HAUS6: variants seen among roughly 807,000 people sequenced by gnomAD.
HAUS6 encodes HAUS augmin like complex subunit 6.
A neutral mutation model predicts 106.8 loss-of-function variants in HAUS6; 80 were observed. The ratio of observed to expected loss-of-function variants is 0.75; its 90% CI spans 0.63 to 0.90. The LOEUF (loss-of-function observed/expected upper bound fraction) is 0.90, where lower values mean the gene tolerates loss of function less well. Among genes scored for constraint, HAUS6 ranks in the 40% least tolerant of loss-of-function variants. The probability of loss-of-function intolerance (pLI) is 0.00; values close to 1 mark genes in which losing one functional copy is unlikely to be tolerated. For missense variants in HAUS6, 1,155 were observed against 1,118.1 expected (o/e 1.03, Z -0.47); for synonymous variants, 356 against 379.1 (o/e 0.94, Z 0.71).
At chr9:19,096,412 A>C (rs1048606272) in intron 2 of HAUS6, among the ~76,000 whole-genome samples, 2 of 152,002 alleles carry the variant, frequency 1.3e-5, no homozygotes, top group African/African-American at 4.8e-5. Context: ...TAAAAATGCA[A>C]AACTTAGCTA....
chr9:19,083,041 A>G lies in HAUS6; in HGVS notation c.702T>C (p.Val234=), dbSNP rs759040195. The part of the protein sequence containing the change: ...HSNMEEKIQK[V]RSLWASVNET... ...CATTCACTGAAGCCCACAAAGACCG[A>G]ACCTTTGGAAACAGAAACAAAATAT... The change falls in exon 8 of 17, where the codon GTT becomes GTC. Residue 234 remains valine, a splice_region_variant and synonymous_variant. Coordinates refer to ENST00000380502, the MANE Select transcript of HAUS6 (RefSeq NM_017645.5). 4 of 1,571,094 alleles carry G rather than the reference A, an allele frequency of 2.5e-6. No individual in the cohort carries two copies. The highest frequency in any genetic ancestry group is 3.4e-6 in the Non-Finnish European group (4 of 1,162,590).
intron 16 of HAUS6, 189 bp from the exon 17 acceptor site, chr9:19,056,593 A>G: frequency 1.9e-6 from 1 of 514,804 alleles, no homozygotes; most frequent in African/African-American, 2.0e-5. Flanking sequence ...TTCCTCCCAG[A>G]GTACTTTTTT....
intron 11 of HAUS6, among the ~76,000 whole-genome samples, chr9:19,074,939 A>T (rs1467400964): frequency 6.6e-6 from 1 of 152,196 alleles, no homozygotes; most frequent in East Asian, 1.9e-4. Context: ...CCTGTACAGA[A>T]TGTTTATAGA....
In HAUS6 at chr9:19,053,343, T is replaced by C. The variant is rs1836397608; in HGVS notation, c.*3000A>G. On this transcript the variant is annotated 3_prime_UTR_variant, in exon 17 of 17. Coordinates refer to ENST00000380502, the MANE Select transcript of HAUS6 (RefSeq NM_017645.5). ...GCTTTTACATTGAGGAAAACGTCAT[T>C]AAACGTATTTTAATTTTAGTACTCT... The C allele has an allele frequency of 6.6e-6, 1 of 152,188 alleles. No individual in the cohort carries two copies. The highest frequency in any genetic ancestry group is 2.1e-4 in the South Asian group (1 of 4,832). 9.4% of individuals were successfully genotyped at this position (152,188 alleles called of 1,614,324 possible).
At chr9:19,095,996 G>C (rs1006759922) in intron 2 of HAUS6, among the ~76,000 whole-genome samples, 1 of 152,150 alleles carries the variant, frequency 6.6e-6, no homozygotes, top group African/African-American at 2.4e-5. Context: ...GTAAGGCACA[G>C]AGTACCGAGC....
intron 12 of HAUS6, chr9:19,063,856 T>G (rs756231356): frequency 3.0e-4 from 183 of 601,826 alleles, no homozygotes; most frequent in Non-Finnish European, 4.8e-4. Flanking sequence ...AGTGACTTAA[T>G]GAATACTCCA....
At position 19,078,237 on chromosome 9, in the gene HAUS6, T is replaced by C. The variant is rs757066840; in HGVS notation, c.1130A>G (p.His377Arg). The change falls in exon 10 of 17, where the codon CAT (histidine) becomes CGT (arginine). Residue 377 changes from histidine (H) to arginine (R), a missense_variant. Around this residue, in one of 3 missense-constraint regions of HAUS6, gnomAD observed 761 missense variants for 690.0 expected, o/e 1.10. Transcript: ENST00000380502. ...ACCAAGAAATTCTTTCCACTTTTTA[T>C]GCCATTCTCCTTGCTTTTCAACAAC... ...HSVVEKQGEW[H>R]KKWKEFLGLS... The C allele has an allele frequency of 3.8e-6, 6 of 1,570,528 alleles. No homozygotes were observed. In the African/African-American group the frequency reaches 5.4e-5, roughly 14 times the overall value.
In HAUS6 at chr9:19,086,729, C is replaced by G; in HGVS notation, c.699+5G>C. On this transcript the variant is annotated splice_donor_5th_base_variant and intron_variant, in intron 7 of 16. Coordinates refer to ENST00000380502, the MANE Select transcript of HAUS6 (RefSeq NM_017645.5). ...TTAAATTTCTCCTTTTATAAGTTGT[C>G]TCACCTTTTGAATTTTTTCTTCCAT... 1 of 1,225,902 alleles carries G rather than the reference C, an allele frequency of 8.2e-7. No homozygotes were observed. Among genetic ancestry groups the G allele is most frequent in the East Asian group, 2.4e-5 (1 of 42,440 alleles). 75.9% of individuals were successfully genotyped at this position (1,225,902 alleles called of 1,614,324 possible).
At chr9:19,087,066 A>T in intron 6 of HAUS6, 25 bp downstream of exon 6, 1 of 1,161,614 alleles carries the variant, frequency 8.6e-7, no homozygotes, top group Non-Finnish European at 1.3e-6. Context: ...ATCTAAGGCA[A>T]CTTCTAGCTC....
rs1349574229 is a variant in HAUS6 at position 19,076,688 on chromosome 9, G to A, written c.1208C>T (p.Pro403Leu). 18 of 1,529,556 alleles carry A rather than the reference G, an allele frequency of 1.2e-5. No homozygotes were observed. The Admixed American group carries it at 2.5e-4, about 22-fold the overall frequency. The allele number at this position is 1,529,556 out of a possible 1,614,324, so 94.7% of individuals were successfully genotyped here. A position where few individuals can be genotyped will look rare whatever the true frequency, so the allele number is the denominator to read the frequency against. The part of the protein sequence containing the change: ...KGWTPSVDLL[P>L]PMSPLSFDPA... ...ATCAAACGAAAGGGGAGACATTGGT[G>A]GTAAAAGATCTACAGACTTAAAACA... is the stretch of plus-strand genomic sequence containing the variant. The change falls in exon 11 of 17, where the codon CCA (proline) becomes CTA (leucine). Residue 403 changes from proline to leucine, a missense_variant. Coordinates refer to ENST00000380502, the MANE Select transcript of HAUS6 (RefSeq NM_017645.5).
At chr9:19,093,335 A>C (rs1334005657) in intron 3 of HAUS6, 32 bp from the exon 4 acceptor site, 2 of 1,557,850 alleles carry the variant, frequency 1.3e-6, no homozygotes, top group South Asian at 1.2e-5. Context: ...TGATTTGAAG[A>C]CCTTGTTAAC....
chr9:19,079,378 C>T (rs1237999713), intron 9 of HAUS6, among the ~76,000 whole-genome samples: 23 of 151,176 alleles, frequency 1.5e-4, no homozygotes, highest in African/African-American at 5.3e-4. Context: ...ATTACAGGCG[C>T]ACGCCACCAC....
rs771642835 is a variant in HAUS6, at chr9:19,063,053, T to G, written c.1584A>C (p.Lys528Asn). ...SSAFGGSLPA[K>N]KSDPFQKEQD... Reference sequence around the variant, plus strand: ...GCTCTTTTTGAAATGGATCACTTTTTTTAGCTGGCAAAGACCCTCCAAATG... The same window carrying G: ...GCTCTTTTTGAAATGGATCACTTTTGTTAGCTGGCAAAGACCCTCCAAATG... The change falls in exon 14 of 17, where the codon AAA becomes AAC. Residue 528 changes from lysine to asparagine, a missense_variant. Coordinates refer to ENST00000380502, the MANE Select transcript of HAUS6 (RefSeq NM_017645.5). 3.7e-6 allele frequency: 6 copies of G among 1,611,872 alleles called. No homozygotes were observed. Among genetic ancestry groups the G allele is most frequent in the Non-Finnish European group, 5.1e-6 (6 of 1,179,624 alleles).
chr9:19,085,141 T>C (rs1372826404), intron 7 of HAUS6, among the ~76,000 whole-genome samples: 13 of 152,126 alleles, frequency 8.5e-5, no homozygotes, highest in Admixed American at 7.9e-4. Context: ...GAAGACTCAT[T>C]GGCTAGCAGT....
intron 9 of HAUS6, among the ~76,000 whole-genome samples, chr9:19,080,174 CAA>C (rs746423003): frequency 1.1e-4 from 4 of 37,568 alleles, no homozygotes; most frequent in African/African-American, 2.7e-4. Flanking sequence ...AACTCCGTCT[CAA>C]AAAAAAAAAA....
chr9:19,082,720 C>T (rs1837185409), intron 8 of HAUS6, among the ~76,000 whole-genome samples, 153 bp downstream of exon 8: 1 of 151,546 alleles, frequency 6.6e-6, no homozygotes, highest in Non-Finnish European at 1.5e-5. Context: ...CATTGCACTC[C>T]AGCCTGGGCA....
chr9:19,096,932 G>A (rs1227008579), intron 1 of HAUS6, among the ~76,000 whole-genome samples, 163 bp from the exon 2 acceptor site: 20 of 152,078 alleles, frequency 1.3e-4, no homozygotes, highest in Non-Finnish European at 1.5e-5. Context: ...TAACCAGTAA[G>A]AAAAACATAC....
chr9:19,060,019 T>A, intron 15 of HAUS6, 69 bp downstream of exon 15: 1 of 1,253,554 alleles, frequency 8.0e-7, no homozygotes, highest in South Asian at 1.4e-5. Flanking sequence ...AAAAGATCTG[T>A]CAGGCCATGG....
In HAUS6 at chr9:19,089,454, T is replaced by G. The variant is rs780571115; in HGVS notation, c.542A>C (p.Gln181Pro). The G allele has an allele frequency of 6.2e-7, 1 of 1,612,108 alleles. No homozygotes were observed. The highest frequency in any genetic ancestry group is 8.5e-7 in the Non-Finnish European group (1 of 1,178,282). Reference protein sequence around the residue: ...FARSRFLQILQRQDCVTQKYQ... With the variant: ...FARSRFLQILPRQDCVTQKYQ... ...TTTTTGGGTAACACAATCTTGTCTT[T>G]GCAAAATTTGTAAAAATCTGCTACG... The change falls in exon 5 of 17, where the codon CAA becomes CCA. Residue 181 changes from glutamine to proline, a missense_variant. Transcript: ENST00000380502.
Sources: allele counts gnomAD v4.1 joint callset (sites outside exome capture counted in the v4.1 genomes callset), GRCh38; gene constraint gnomAD v4.1.1; regional missense constraint gnomAD v4.1.1; transcripts MANE v1.5; gene names NCBI Gene and HGNC (gene_info 2026-07-23, HGNC 2026-07-21).